MYO16: variants seen among roughly 807,000 people sequenced by gnomAD.
The protein encoded by MYO16 is unconventional myosin-XVI.
In MYO16, 94 loss-of-function variants were observed where a neutral mutation model predicts 205.3. That is an observed-to-expected ratio of 0.46 (90% CI 0.39 to 0.54). The LOEUF (loss-of-function observed/expected upper bound fraction) is 0.54. MYO16 is among the 20% of genes least tolerant of loss of function. The pLI is 0.00. For synonymous variants in MYO16, 988 were observed against 954.0 expected (o/e 1.04, Z -0.66); for missense variants, 2,315 against 2,387.5 (o/e 0.97, Z 0.63).
intron 4 of MYO16, among the ~76,000 whole-genome samples, chr13:108,738,222 A>T (rs926154898): frequency 1.3e-4 from 20 of 152,034 alleles, no homozygotes; most frequent in Non-Finnish European, 2.6e-4. Context: ...TTTAATTGAG[A>T]TGTTAGGGTG....
Position 109,128,853 on chromosome 13 carries a change from C to T in MYO16, c.4051+1303C>T, listed in dbSNP as rs192117852. ...ATGGCACAATCTCAGCTCACTGCAA[C>T]CTCCGCCTCTGGGGTTCAAGTGATT... On this transcript the variant is annotated intron_variant, in intron 31 of 34. Coordinates refer to ENST00000457511, the MANE Select transcript of MYO16 (RefSeq NM_001198950.3). 2.2e-4 allele frequency among the ~76,000 whole-genome samples: 33 copies of T among 147,186 alleles called. No homozygotes were observed. In the Admixed American group the frequency reaches 2.3e-3, roughly 10 times the overall value.
intron 20 of MYO16, among the ~76,000 whole-genome samples, chr13:108,980,028 T>C (rs923069677): frequency 2.0e-5 from 3 of 152,166 alleles, no homozygotes; most frequent in Non-Finnish European, 4.4e-5. Flanking sequence ...AATAAAGAAC[T>C]ATGTATTTTG....
intron 29 of MYO16, among the ~76,000 whole-genome samples, chr13:109,121,570 C>T (rs752251930): frequency 1.8e-4 from 27 of 152,220 alleles, no homozygotes; most frequent in South Asian, 2.1e-4. Flanking sequence ...TCTCTCAGTA[C>T]ACATTCTTTG....
At chr13:109,160,910 G>T (rs903629963) in intron 32 of MYO16, among the ~76,000 whole-genome samples, 3 of 152,188 alleles carry the variant, frequency 2.0e-5, no homozygotes. Context: ...CTGCTGAAGT[G>T]CTGGGTAGTG....
At chr13:108,870,196 CTTTAT>C (rs1878979270) in intron 12 of MYO16, among the ~76,000 whole-genome samples, 1 of 151,584 alleles carries the variant, frequency 6.6e-6, no homozygotes, top group Non-Finnish European at 1.5e-5. Flanking sequence ...TATTTTTCTC[CTTTAT>C]TTTGTTTGTG....
chr13:108,834,455 T>C (rs1876787555), intron 9 of MYO16, among the ~76,000 whole-genome samples: 1 of 152,100 alleles, frequency 6.6e-6, no homozygotes, highest in Non-Finnish European at 1.5e-5. Flanking sequence ...AAAATTGCAG[T>C]TCAGTTTTCT....
chr13:108,518,808 G>A, the MYO16 span, among the ~76,000 whole-genome samples: 15 of 152,228 alleles, frequency 9.9e-5, no homozygotes, highest in South Asian at 3.1e-3. Flanking sequence ...ACCTCATTAG[G>A]ACAATTTTAA....
At chr13:108,737,238 A>G (rs901945657) in intron 4 of MYO16, among the ~76,000 whole-genome samples, 1 of 152,122 alleles carries the variant, frequency 6.6e-6, no homozygotes, top group Non-Finnish European at 1.5e-5. Flanking sequence ...GAATGCTTCT[A>G]GTTTTTGCCC....
Position 108,890,104 on chromosome 13 carries a change from A to T in MYO16, c.1659+1627A>T, listed in dbSNP as rs375578532. On this transcript the variant is annotated intron_variant, in intron 14 of 34. Coordinates refer to ENST00000457511, the MANE Select transcript of MYO16 (RefSeq NM_001198950.3). Reference sequence around the variant, plus strand: ...GTGTCTCTGCCTAGCTAATTTTTGTATTTTTTTTTTTTTTTTTTTTTGTGG... The same window carrying T: ...GTGTCTCTGCCTAGCTAATTTTTGTTTTTTTTTTTTTTTTTTTTTTTGTGG... Among the ~76,000 whole-genome samples, 792 of 94,820 alleles carry T rather than the reference A, an allele frequency of 8.4e-3. 3 individuals carry two copies. Among genetic ancestry groups the T allele is most frequent in the African/African-American group, 0.025 (606 of 23,810 alleles). 62.2% of individuals were successfully genotyped at this position (94,820 alleles called of 152,430 possible).
At chr13:109,168,271 A>C (rs1484147845) in intron 33 of MYO16, among the ~76,000 whole-genome samples, 1 of 152,198 alleles carries the variant, frequency 6.6e-6, no homozygotes, top group Non-Finnish European at 1.5e-5. Flanking sequence ...AACTTATATG[A>C]AAAATGATTA....
chr13:108,539,151 T>C, the MYO16 span, among the ~76,000 whole-genome samples: 465 of 152,256 alleles, frequency 3.1e-3, 2 homozygotes, highest in African/African-American at 0.01. Flanking sequence ...GTCCTGTACC[T>C]GAGTTAAGAG....
rs919555622 is a variant in MYO16 at position 108,748,406 on chromosome 13, C to A, written c.507+20823C>A. On this transcript the variant is annotated intron_variant, in intron 4 of 34. Transcript: ENST00000457511. Reference sequence around the variant, plus strand: ...TAAATACGTGTATTAGAGAAGAAGACAGATATAAAAGCAATAATCTAAGCT... The same window carrying A: ...TAAATACGTGTATTAGAGAAGAAGAAAGATATAAAAGCAATAATCTAAGCT... 2.6e-5 allele frequency among the ~76,000 whole-genome samples: 4 copies of A among 151,748 alleles called. No homozygotes were observed. In the East Asian group the frequency reaches 7.7e-4, roughly 29 times the overall value.
At chr13:108,531,073 A>C in the MYO16 span, among the ~76,000 whole-genome samples, 3 of 152,162 alleles carry the variant, frequency 2.0e-5, no homozygotes, top group South Asian at 6.2e-4. Context: ...AGAGAATAGC[A>C]TTTGTGCAAA....
chr13:109,007,072 A>G (rs548308713), intron 21 of MYO16, among the ~76,000 whole-genome samples: 1 of 152,162 alleles, frequency 6.6e-6, no homozygotes, highest in African/African-American at 2.4e-5. Flanking sequence ...CAAATGTGAG[A>G]GTTGAACATT....
chr13:108,771,403 C>T (rs1885960235), intron 4 of MYO16, among the ~76,000 whole-genome samples: 1 of 152,108 alleles, frequency 6.6e-6, no homozygotes, highest in Non-Finnish European at 1.5e-5. Flanking sequence ...CACACGTGCT[C>T]CCTGACCCCA....
chr13:108,609,137 C>T (rs1879075658), intron 1 of MYO16, among the ~76,000 whole-genome samples: 1 of 152,174 alleles, frequency 6.6e-6, no homozygotes, highest in Non-Finnish European at 1.5e-5. Flanking sequence ...TGTCTGCAGG[C>T]CAGCCCAGGA....
At chr13:108,804,456 T>G (rs1424294473) in intron 6 of MYO16, among the ~76,000 whole-genome samples, 1 of 152,172 alleles carries the variant, frequency 6.6e-6, no homozygotes, top group Non-Finnish European at 1.5e-5. Flanking sequence ...CTAGTCATAG[T>G]CAGGACAAGT....
the MYO16 span, among the ~76,000 whole-genome samples, chr13:108,587,582 A>G: frequency 3.3e-5 from 5 of 152,324 alleles, no homozygotes; most frequent in Non-Finnish European, 7.4e-5. Flanking sequence ...TATGATTTTA[A>G]TTGAGATTGA....
At chr13:108,792,377 C>T (rs1886642435) in intron 5 of MYO16, among the ~76,000 whole-genome samples, 1 of 152,174 alleles carries the variant, frequency 6.6e-6, no homozygotes, top group African/African-American at 2.4e-5. Flanking sequence ...AAATGCCCTC[C>T]ACAGAGCTTC....
Sources: allele counts gnomAD v4.1 joint callset (sites outside exome capture counted in the v4.1 genomes callset), GRCh38; gene constraint gnomAD v4.1.1; transcripts MANE v1.5; gene names NCBI Gene and HGNC (gene_info 2026-07-23, HGNC 2026-07-21).